PIGF: variants seen among roughly 807,000 people sequenced by gnomAD.
PIGF encodes the protein phosphatidylinositol glycan anchor biosynthesis class F, also known as GPI ethanolamine phosphate transferase, stabilizing subunit.
Under a neutral mutation model 26.0 loss-of-function variants are expected in PIGF, and 23 were observed. The ratio of observed to expected loss-of-function variants is 0.88; its 90% CI spans 0.64 to 1.25. The LOEUF (loss-of-function observed/expected upper bound fraction) is 1.25, where lower values mean the gene tolerates loss of function less well. Among genes scored for constraint, PIGF ranks in the 50% most tolerant of loss-of-function variants. The pLI, the probability that PIGF is intolerant of heterozygous loss-of-function variation, is 0.00. For missense variants in PIGF, 278 were observed against 249.9 expected (o/e 1.11, Z -0.76); for synonymous variants, 93 against 92.6 (o/e 1.00, Z -0.03).
intron 4 of PIGF, among the ~76,000 whole-genome samples, chr2:46,602,350 G>A (rs996313440): frequency 6.6e-6 from 1 of 151,848 alleles, no homozygotes; most frequent in Non-Finnish European, 1.5e-5. Flanking sequence ...AAGCTTTGTT[G>A]TTCTCTGTCG....
At chr2:46,581,904 G>A (rs1669395358) in intron 5 of PIGF, 1 of 234,336 alleles carries the variant, frequency 4.3e-6, no homozygotes, top group Non-Finnish European at 8.5e-6. Flanking sequence ...ACTCAATTTA[G>A]CTCTCTGAAC....
intron 4 of PIGF, among the ~76,000 whole-genome samples, chr2:46,596,004 G>A (rs1423819397): frequency 6.6e-6 from 1 of 152,078 alleles, no homozygotes; most frequent in Non-Finnish European, 1.5e-5. Flanking sequence ...CACAAGGTCA[G>A]GAGTTCGAGA....
intron 4 of PIGF, among the ~76,000 whole-genome samples, chr2:46,596,502 T>C (rs1443145042): frequency 6.6e-6 from 1 of 152,156 alleles, no homozygotes; most frequent in African/African-American, 2.4e-5. Flanking sequence ...AAAAATTTCA[T>C]ATTTATCAAA....
Position 46,581,580 on chromosome 2 carries a change from G to A in PIGF, c.558C>T (p.Ile186=), listed in dbSNP as rs775377768. ...DWERPWQVWP[I]SCTLGATFGY... ...CAAAGGTCGCTCCAAGCGTACAGGAGATGGGCCATACCTGAGGAGAGAATG... is the reference window on the plus strand; with the variant it reads ...CAAAGGTCGCTCCAAGCGTACAGGAAATGGGCCATACCTGAGGAGAGAATG... The change falls in exon 6 of 6, where the codon ATC becomes ATT. Residue 186 remains isoleucine, a synonymous_variant. Transcript: ENST00000281382. 37 of 1,611,282 alleles carry A rather than the reference G, an allele frequency of 2.3e-5. No homozygotes were observed. Among genetic ancestry groups the A allele is most frequent in the Non-Finnish European group, 3.0e-5 (35 of 1,179,470 alleles).
At chr2:46,585,339 A>G (rs1326721309) in intron 5 of PIGF, among the ~76,000 whole-genome samples, 1 of 152,210 alleles carries the variant, frequency 6.6e-6, no homozygotes, top group Non-Finnish European at 1.5e-5. Flanking sequence ...GCCAGTAAAT[A>G]GAAGAAACAA....
intron 4 of PIGF, among the ~76,000 whole-genome samples, chr2:46,611,183 T>C (rs1484654182): frequency 6.6e-6 from 1 of 152,144 alleles, no homozygotes; most frequent in Non-Finnish European, 1.5e-5. Flanking sequence ...GATAAGCTCC[T>C]CAGCAAAAGA....
intron 4 of PIGF, among the ~76,000 whole-genome samples, chr2:46,606,975 C>T (rs1302930574): frequency 6.6e-6 from 1 of 152,084 alleles, no homozygotes; most frequent in Non-Finnish European, 1.5e-5. Flanking sequence ...ACCTTGAAAA[C>T]ATTATGCTAA....
At chr2:46,616,361 C>T (rs984392208) in intron 1 of PIGF, 3 of 152,352 alleles carry the variant, frequency 2.0e-5, no homozygotes, top group Admixed American at 6.5e-5. Context: ...TCCATTCTCT[C>T]AACAGATAGC....
intron 1 of PIGF, 111 bp from the exon 2 acceptor site, chr2:46,615,296 ATT>A (rs1340552799): frequency 6.8e-6 from 4 of 590,372 alleles, no homozygotes; most frequent in Non-Finnish European, 1.2e-5. Context: ...TGAGCAATGT[ATT>A]TGTTTCAAAA....
chr2:46,584,421 T>C (rs984743850), intron 5 of PIGF, among the ~76,000 whole-genome samples: 2 of 152,200 alleles, frequency 1.3e-5, no homozygotes, highest in Admixed American at 6.5e-5. Context: ...GAATCCCAGC[T>C]AGATTCCAAT....
At chr2:46,614,036 G>A in intron 2 of PIGF, 1 of 362,320 alleles carries the variant, frequency 2.8e-6, no homozygotes. Flanking sequence ...GAGTCGAAAA[G>A]AGGTTCTGTT....
intron 5 of PIGF, among the ~76,000 whole-genome samples, chr2:46,587,355 T>C (rs1669609261): frequency 6.6e-6 from 1 of 152,078 alleles, no homozygotes; most frequent in African/African-American, 2.4e-5. Flanking sequence ...TTTCAACTTA[T>C]GAAAGAATTA....
chr2:46,612,284 G>C lies in PIGF; in HGVS notation c.381C>G (p.Cys127Trp). The C allele has an allele frequency of 6.7e-7, 1 of 1,486,576 alleles. No individual in the cohort carries two copies. Among genetic ancestry groups the C allele is most frequent in the Non-Finnish European group, 9.0e-7 (1 of 1,111,736 alleles). The allele number at this position is 1,486,576 out of a possible 1,614,324, so 92.1% of individuals were successfully genotyped here. A position where few individuals can be genotyped will look rare whatever the true frequency, so the allele number is the denominator to read the frequency against. The change falls in exon 4 of 6, where the codon TGC becomes TGG. Residue 127 changes from cysteine to tryptophan, a missense_variant. By Grantham distance (215) the Cys-to-Trp change is radical. Coordinates refer to ENST00000281382, the MANE Select transcript of PIGF (RefSeq NM_002643.4). ...TGAGGTTTGGTCCTAACAAACATAA[G>C]CAAGGCACAGTAGTAAAAGTAGACA... ...VILSTFTTVP[C>W]LCLLGPNLKA...
rs1355388220 is a variant in PIGF, at chr2:46,614,932, C to T, written c.228+5G>A. ...AAAAATCAGTTATTGAGACATAAGC[C>T]TTACCTTGTGTGATAATGAACTTCT... On this transcript the variant is annotated splice_donor_5th_base_variant and intron_variant, in intron 2 of 5. Transcript: ENST00000281382. 1 of 1,323,762 alleles carries T rather than the reference C, an allele frequency of 7.6e-7. No homozygotes were observed. Among genetic ancestry groups the T allele is most frequent in the Admixed American group, 1.7e-5 (1 of 59,462 alleles). The allele number at this position is 1,323,762 out of a possible 1,614,324, so 82.0% of individuals were successfully genotyped here.
intron 4 of PIGF, among the ~76,000 whole-genome samples, chr2:46,603,598 C>A (rs905884990): frequency 6.6e-6 from 1 of 151,974 alleles, no homozygotes; most frequent in Admixed American, 6.6e-5. Context: ...CAAGAACATA[C>A]ACCGGGGAAA....
intron 4 of PIGF, among the ~76,000 whole-genome samples, chr2:46,608,651 C>T (rs1174287788): frequency 6.6e-6 from 1 of 152,090 alleles, no homozygotes. Flanking sequence ...CTCCTTGATC[C>T]GTGGGCTACA....
chr2:46,613,811 G>T, intron 2 of PIGF, 26 bp from the exon 3 acceptor site: 1 of 1,504,132 alleles, frequency 6.6e-7, no homozygotes. Flanking sequence ...ATAACCTGAA[G>T]ATTCAAGATA....
At position 46,581,553 on chromosome 2, in the gene PIGF, G is replaced by A. The variant is rs1179419000; in HGVS notation, c.585C>T (p.Gly195=). Residue 195 remains glycine (G), a synonymous_variant, in exon 6 of 6, where the codon GGC becomes GGT. Transcript: ENST00000281382. ...GTGAAATAACAAGGCCAGCCACGTA[G>A]CCAAAGGTCGCTCCAAGCGTACAGG... ...PISCTLGATF[G]YVAGLVISPL... is the part of the protein sequence containing the mutation. 6.2e-7 allele frequency: 1 copy of A among 1,611,472 alleles called. No homozygotes were observed. The highest frequency in any genetic ancestry group is 8.5e-7 in the Non-Finnish European group (1 of 1,179,554).
intron 5 of PIGF, among the ~76,000 whole-genome samples, chr2:46,586,063 C>G (rs1385919600): frequency 6.6e-6 from 1 of 152,114 alleles, no homozygotes; most frequent in African/African-American, 2.4e-5. Flanking sequence ...CGTGAGCCAC[C>G]GCGCCCAGCC....
Sources: allele counts gnomAD v4.1 joint callset (sites outside exome capture counted in the v4.1 genomes callset), GRCh38; gene constraint gnomAD v4.1.1; transcripts MANE v1.5; gene names NCBI Gene and HGNC (gene_info 2026-07-23, HGNC 2026-07-21).